The following MEG3 variants were observed in gnomAD, a reference collection of about 807,000 sequenced individuals.
The protein encoded by MEG3 is Very putative protein from MEG3 locus.
At chr14:100,835,649 C>G (rs1017062337) in exon 1 of MEG3, 2 of 158,788 alleles carry the variant, frequency 1.3e-5, no homozygotes, top group Admixed American at 6.5e-5. Context: ...CTGCCAAGCC[C>G]ATACCTGTGG....
downstream of MEG3, chr14:100,830,694 C>CT (rs1303107700): frequency 6.6e-6 from 1 of 152,224 alleles, no homozygotes; most frequent in Non-Finnish European, 1.5e-5. Context: ...TGAAAACAGT[C>CT]TCTTGGAACC....
exon 1 of MEG3, chr14:100,858,875 CTG>C (rs2140013164): frequency 6.5e-6 from 1 of 152,860 alleles, no homozygotes; most frequent in African/African-American, 2.4e-5. Context: ...GATTCTGAGT[CTG>C]TGTTTAGGTG....
downstream of MEG3, chr14:100,831,574 G>A (rs764633341): frequency 2.0e-5 from 3 of 152,506 alleles, no homozygotes; most frequent in African/African-American, 4.8e-5. Context: ...TCATGTTTTC[G>A]GCTCATGGAC....
At chr14:100,854,889 A>G (rs1315697189), upstream of MEG3, 1 of 152,728 alleles carries the variant, frequency 6.5e-6, no homozygotes, top group African/African-American at 2.4e-5. Flanking sequence ...CGAATGGAAC[A>G]TTTTGGATCA....
At chr14:100,834,846 T>A (rs904848071) in exon 1 of MEG3, 4 of 456,090 alleles carry the variant, frequency 8.8e-6, no homozygotes, top group African/African-American at 8.0e-5. Context: ...GGAATTCATT[T>A]TTGAGAGGTG....
chr14:100,838,741 C>T (rs182904316), intron 2 of MEG3, among the ~76,000 whole-genome samples: 5 of 152,198 alleles, frequency 3.3e-5, no homozygotes, highest in East Asian at 1.9e-4. Context: ...GCGGTCTGGT[C>T]TGGAAACTGG....
At chr14:100,829,775 C>T (rs750543104), downstream of MEG3, 1 of 152,190 alleles carries the variant, frequency 6.6e-6, no homozygotes, top group South Asian at 2.1e-4. Context: ...AGACCATCGA[C>T]GGGCTGACTT....
At chr14:100,860,506 C>T (rs2038373207) in intron 1 of MEG3, 1 of 391,470 alleles carries the variant, frequency 2.6e-6, no homozygotes, top group African/African-American at 2.1e-5. Context: ...AGTTGAGGGG[C>T]ACTAGGTAGA....
In MEG3 at chr14:100,837,785, G is replaced by A. The variant is rs1566725608; in HGVS notation, n.3045+1485G>A. Among the ~76,000 whole-genome samples, 3 of 152,192 alleles carry A rather than the reference G, an allele frequency of 2.0e-5. No individual in the cohort carries two copies. The highest frequency in any genetic ancestry group is 2.0e-4 in the Admixed American group (3 of 15,288). ...TGCACTTCTCCCCTGAAATTGAAAT[G>A]GGATGGGGATATTATTTTTAAACAA... is the stretch of plus-strand genomic sequence containing the variant. On this transcript the variant is annotated intron_variant and non_coding_transcript_variant, in intron 2 of 3. Transcript: ENST00000398461. This position sits in a 1 kb window ranked among gnomAD's most constrained non-coding sequence, Gnocchi z 5.8.
upstream of MEG3, chr14:100,854,038 T>A (rs1252409243): frequency 6.6e-6 from 1 of 152,234 alleles, no homozygotes; most frequent in Non-Finnish European, 1.5e-5. Flanking sequence ...GGCGGAAGGA[T>A]GGATTGGTGA....
intron 2 of MEG3, among the ~76,000 whole-genome samples, chr14:100,841,598 A>G (rs2037761408): frequency 6.6e-6 from 1 of 152,068 alleles, no homozygotes; most frequent in Non-Finnish European, 1.5e-5. Flanking sequence ...CTGGAGGTGA[A>G]GCCCCTGCCA....
Position 100,845,119 on chromosome 14 carries a change from T to C in MEG3, n.3046-339T>C, listed in dbSNP as rs567097340. ...TTGCTTCTGCCAGAGCACAGGTTCA[T>C]GCCCTGTCTTCAGGGCCTGGGCCAC... On this transcript the variant is annotated intron_variant and non_coding_transcript_variant, in intron 2 of 3. Transcript: ENST00000398461. The surrounding 1 kb of genome is among the most constrained non-coding windows in gnomAD (Gnocchi z 5.2). Among the ~76,000 whole-genome samples, 3 of 152,340 alleles carry C rather than the reference T, an allele frequency of 2.0e-5. No individual in the cohort carries two copies. Among genetic ancestry groups the C allele is most frequent in the African/African-American group, 7.2e-5 (3 of 41,582 alleles).
chr14:100,827,869 G>C (rs1048125166), intron 1 of MEG3, among the ~76,000 whole-genome samples: 7 of 152,218 alleles, frequency 4.6e-5, no homozygotes, highest in Admixed American at 4.6e-4. Flanking sequence ...TTGGATTGAC[G>C]AAGGTGGGAG....
intron 2 of MEG3, among the ~76,000 whole-genome samples, chr14:100,839,475 G>A (rs1012555715): frequency 6.6e-6 from 1 of 152,226 alleles, no homozygotes; most frequent in Non-Finnish European, 1.5e-5. Flanking sequence ...GGCCTCAGAT[G>A]TGGGGTTCCT....
chr14:100,830,294 G>A (rs1045162369), downstream of MEG3: 4 of 149,946 alleles, frequency 2.7e-5, no homozygotes, highest in Admixed American at 6.7e-5. Flanking sequence ...TAAACAAGTC[G>A]CTTAACTACT....
At chr14:100,851,866 G>A (rs575982386) in intron 3 of MEG3, 45 of 155,882 alleles carry the variant, frequency 2.9e-4, no homozygotes, top group Admixed American at 1.8e-3. Flanking sequence ...GGGCCTCCCC[G>A]GTTCTGTTGA....
intron 1 of MEG3, among the ~76,000 whole-genome samples, chr14:100,827,237 G>A (rs1031757935): frequency 1.3e-5 from 2 of 152,008 alleles, no homozygotes; most frequent in African/African-American, 2.4e-5. Context: ...GGGCCGGCGG[G>A]CCTGGTGGGG....
chr14:100,836,797 CAT>C (rs1340990486), intron 2 of MEG3, among the ~76,000 whole-genome samples: 2 of 152,100 alleles, frequency 1.3e-5, no homozygotes, highest in Non-Finnish European at 2.9e-5. Context: ...GTTTCTCACA[CAT>C]GAGGCTTTGA....
rs2037900618 is a variant in MEG3 at position 100,845,735 on chromosome 14, G to C, written n.3121+202G>C. ...CTGTTTTCTAAGACAGGAGCCCCCT[G>C]CCTCCTTGTGTTGTCTCTGTGGCAA... On this transcript the variant is annotated intron_variant and non_coding_transcript_variant, in intron 3 of 3. Transcript: ENST00000398461. The surrounding 1 kb of genome is among the most constrained non-coding windows in gnomAD (Gnocchi z 5.2). The C allele has an allele frequency of 4.2e-6, 1 of 236,300 alleles. No individual in the cohort carries two copies. Among genetic ancestry groups the C allele is most frequent in the Admixed American group, 5.4e-5 (1 of 18,554 alleles). The allele number at this position is 236,300 out of a possible 1,614,324, so 14.6% of individuals were successfully genotyped here.
Sources: allele counts gnomAD v4.1 joint callset (sites outside exome capture counted in the v4.1 genomes callset), GRCh38; gene constraint gnomAD v4.1.1; non-coding constraint Gnocchi (gnomAD v3.1); transcripts MANE v1.5; gene names NCBI Gene and HGNC (gene_info 2026-07-23, HGNC 2026-07-21).